AUTS2: variants seen among roughly 807,000 people sequenced by gnomAD.
AUTS2 encodes activator of transcription and developmental regulator AUTS2, also known as autism susceptibility gene 2 protein.
AUTS2 carries 17 observed loss-of-function variants against 112.4 expected under a neutral mutation model. The ratio of observed to expected loss-of-function variants is 0.15; its 90% CI spans 0.10 to 0.23. AUTS2 has a LOEUF of 0.23. Ranked by LOEUF, AUTS2 falls within the 10% of genes least tolerant of loss-of-function variation. The pLI, the probability that AUTS2 is intolerant of heterozygous loss-of-function variation, is 1.00. For missense variants in AUTS2, 1,510 were observed against 1,701.6 expected, an observed-to-expected ratio of 0.89 and a Z score of 1.98; for synonymous variants, 751 against 702.7, an observed-to-expected ratio of 1.07 and a Z score of -1.09.
At chr7:70,080,609 T>C (rs1356748574) in intron 2 of AUTS2, among the ~76,000 whole-genome samples, 1 of 152,242 alleles carries the variant, frequency 6.6e-6, no homozygotes, top group Non-Finnish European at 1.5e-5. Context: ...TGTACATCTA[T>C]ACATACATAC....
intron 4 of AUTS2, among the ~76,000 whole-genome samples, chr7:70,399,778 A>G (rs1046065223): frequency 1.2e-4 from 18 of 151,826 alleles, no homozygotes; most frequent in African/African-American, 4.4e-4. Flanking sequence ...AAATAAAATA[A>G]AAATAAATAA....
At chr7:70,225,882 C>T (rs1043257332) in intron 4 of AUTS2, among the ~76,000 whole-genome samples, 16 of 152,094 alleles carry the variant, frequency 1.1e-4, no homozygotes, top group African/African-American at 1.7e-4. Flanking sequence ...GTAGATTTTG[C>T]GGTTGTATTG....
intron 5 of AUTS2, among the ~76,000 whole-genome samples, chr7:70,698,124 C>A (rs1359252893): frequency 1.3e-5 from 2 of 152,156 alleles, no homozygotes; most frequent in Non-Finnish European, 2.9e-5. Context: ...TGTTGGCTTA[C>A]ACTTTTTAGT....
intron 8 of AUTS2, 61 bp downstream of exon 8, chr7:70,765,066 CCCTA>C (rs1789849129): frequency 6.3e-7 from 1 of 1,594,472 alleles, no homozygotes; most frequent in African/African-American, 1.3e-5. Context: ...TGTGACCTCA[CCCTA>C]CCTATGTTGT....
intron 4 of AUTS2, among the ~76,000 whole-genome samples, chr7:70,134,826 T>C (rs1485361235): frequency 1.3e-5 from 2 of 152,104 alleles, no homozygotes; most frequent in African/African-American, 4.8e-5. Flanking sequence ...TACCTGGCCA[T>C]GTAAGGAGAT....
chr7:70,369,636 AG>A (rs1792749509), intron 4 of AUTS2, among the ~76,000 whole-genome samples: 1 of 152,164 alleles, frequency 6.6e-6, no homozygotes, highest in Non-Finnish European at 1.5e-5. Flanking sequence ...ATGGGACATC[AG>A]GTTGAACTGA....
rs1448904416 is a variant in AUTS2, at chr7:69,975,930, C to T, written c.522+76432C>T. Among the ~76,000 whole-genome samples, 4 of 152,024 alleles carry T rather than the reference C, an allele frequency of 2.6e-5. No individual in the cohort carries two copies. The East Asian group carries it at 5.8e-4, about 22-fold the overall frequency. ...CTTGAACTCCTGACCTCAGGTGATC[C>T]GCCCACCAAAGTGCTCTGATTACAG... On this transcript the variant is annotated intron_variant, in intron 2 of 18. Coordinates refer to ENST00000342771, the MANE Select transcript of AUTS2 (RefSeq NM_015570.4).
intron 1 of AUTS2, among the ~76,000 whole-genome samples, chr7:69,666,907 A>C (rs1250799046): frequency 1.3e-5 from 2 of 152,164 alleles, no homozygotes; most frequent in Non-Finnish European, 2.9e-5. Context: ...ATCCCCAAAA[A>C]CAAAACAAAA....
intron 4 of AUTS2, among the ~76,000 whole-genome samples, chr7:70,385,119 A>T (rs1170359667): frequency 6.6e-6 from 1 of 152,312 alleles, no homozygotes; most frequent in East Asian, 1.9e-4. Context: ...CATGTTCTGC[A>T]TTCCTGTTGT....
intron 1 of AUTS2, among the ~76,000 whole-genome samples, chr7:69,824,873 T>C (rs1030859989): frequency 1.3e-5 from 2 of 152,184 alleles, no homozygotes; most frequent in Non-Finnish European, 2.9e-5. Context: ...AAAAGCTGTA[T>C]CTATTTCGGA....
intron 1 of AUTS2, among the ~76,000 whole-genome samples, chr7:69,765,953 A>G (rs1393194866): frequency 2.0e-5 from 3 of 152,172 alleles, no homozygotes; most frequent in Non-Finnish European, 4.4e-5. Context: ...TCTCAAAAAA[A>G]GAATTAAAAT....
chr7:70,429,594 A>C (rs942323765), intron 4 of AUTS2, among the ~76,000 whole-genome samples: 9 of 152,214 alleles, frequency 5.9e-5, no homozygotes, highest in African/African-American at 2.2e-4. Flanking sequence ...GAGGATGCCA[A>C]CCAGGGCCGG....
At chr7:70,664,335 G>A (rs1156354939) in intron 5 of AUTS2, among the ~76,000 whole-genome samples, 8 of 152,124 alleles carry the variant, frequency 5.3e-5, no homozygotes, top group African/African-American at 1.7e-4. Flanking sequence ...CTTGCCCCTG[G>A]GGTAAATGGC....
intron 1 of AUTS2, among the ~76,000 whole-genome samples, chr7:69,735,811 C>T (rs1339450338): frequency 6.6e-6 from 1 of 152,194 alleles, no homozygotes; most frequent in Non-Finnish European, 1.5e-5. Flanking sequence ...GTGCAGGGGA[C>T]TAGCACAGAG....
At chr7:70,717,437 C>G (rs1424343980) in intron 6 of AUTS2, among the ~76,000 whole-genome samples, 1 of 152,158 alleles carries the variant, frequency 6.6e-6, no homozygotes, top group African/African-American at 2.4e-5. Flanking sequence ...TCCTCTCACC[C>G]CTGCCTCCCA....
chr7:70,564,023 G>A (rs1277517611), intron 5 of AUTS2, among the ~76,000 whole-genome samples: 3 of 151,994 alleles, frequency 2.0e-5, no homozygotes, highest in Admixed American at 6.6e-5. Flanking sequence ...GGTTTAAGTC[G>A]GCTTTTTATT....
intron 5 of AUTS2, among the ~76,000 whole-genome samples, chr7:70,609,339 C>T (rs1803947281): frequency 6.6e-6 from 1 of 150,924 alleles, no homozygotes; most frequent in African/African-American, 2.4e-5. Context: ...GCTTATTTCA[C>T]TTGGTATAAT....
chr7:69,773,501 AAGCCTTTGGCTTGGGG>A (rs1278408746), intron 1 of AUTS2, among the ~76,000 whole-genome samples: 80 of 150,434 alleles, frequency 5.3e-4, no homozygotes, highest in African/African-American at 1.5e-3. Context: ...CTTTTTCCCC[AAGCCTTTGGCTTGGGG>A]AAAGGGTGGG....
intron 2 of AUTS2, among the ~76,000 whole-genome samples, chr7:70,081,965 T>TGTGTGTGTGTGCGC (rs1018968486): frequency 7.9e-4 from 101 of 128,096 alleles, no homozygotes; most frequent in African/African-American, 2.7e-3. Context: ...TGTGTGTGTG[T>TGTGTGTGTGTGCGC]GCGCGCGCCT....
Sources: allele counts gnomAD v4.1 joint callset (sites outside exome capture counted in the v4.1 genomes callset), GRCh38; gene constraint gnomAD v4.1.1; transcripts MANE v1.5; gene names NCBI Gene and HGNC (gene_info 2026-07-23, HGNC 2026-07-21).